The following FARP1 variants were observed in gnomAD, a reference collection of about 807,000 sequenced individuals.
The protein encoded by FARP1 is FERM, ARH/RhoGEF and pleckstrin domain protein 1, also known as FERM, ARHGEF and pleckstrin domain-containing protein 1.
A neutral mutation model predicts 128.8 loss-of-function variants in FARP1; 52 were observed. That is an observed-to-expected ratio of 0.40 (90% CI 0.32 to 0.51). The LOEUF is 0.51. FARP1 is among the 20% of genes least tolerant of loss of function. The pLI, the probability that FARP1 is intolerant of heterozygous loss-of-function variation, is 0.45. For missense variants in FARP1, 1,333 were observed against 1,367.9 expected, an observed-to-expected ratio of 0.97 and a Z score of 0.40; for synonymous variants, 580 against 551.8, an observed-to-expected ratio of 1.05 and a Z score of -0.72.
chr13:98,286,488 G>A (rs1011265416), intron 2 of FARP1, among the ~76,000 whole-genome samples: 5 of 152,118 alleles, frequency 3.3e-5, no homozygotes, highest in Non-Finnish European at 7.4e-5. Context: ...ACGTTCTGAT[G>A]GTTTTATAAG....
chr13:98,389,889 T>G, intron 9 of FARP1, 68 bp from the exon 10 acceptor site: 1 of 1,479,790 alleles, frequency 6.8e-7, no homozygotes, highest in South Asian at 1.2e-5. Context: ...CTTCTGCCCC[T>G]TTTCTCCTAT....
At chr13:98,385,408 C>CA (rs1166262854) in intron 7 of FARP1, among the ~76,000 whole-genome samples, 69 of 138,260 alleles carry the variant, frequency 5.0e-4, no homozygotes, top group South Asian at 7.1e-4. Context: ...TTTGAGATTC[C>CA]AAAAAAAACA....
chr13:98,394,376 G>GC (rs1337521062), intron 12 of FARP1, among the ~76,000 whole-genome samples: 2 of 152,224 alleles, frequency 1.3e-5, no homozygotes, highest in African/African-American at 4.8e-5. Flanking sequence ...AGAAGTATAA[G>GC]CAAACATGTC....
chr13:98,145,017 C>G (rs1436186336), intron 1 of FARP1, among the ~76,000 whole-genome samples: 1 of 152,172 alleles, frequency 6.6e-6, no homozygotes, highest in Non-Finnish European at 1.5e-5. Context: ...GGAGTTACTC[C>G]AAGCACAACG....
chr13:98,368,581 A>G (rs1171033057), intron 5 of FARP1, among the ~76,000 whole-genome samples: 5 of 152,224 alleles, frequency 3.3e-5, no homozygotes, highest in African/African-American at 9.6e-5. Context: ...CTGGAGGTCA[A>G]TTCTTTTCAA....
intron 11 of FARP1, 28 bp from the exon 12 acceptor site, chr13:98,393,614 CT>C: frequency 1.9e-6 from 3 of 1,588,568 alleles, no homozygotes; most frequent in Non-Finnish European, 2.6e-6. Context: ...CCTCACCTAA[CT>C]TTAATGATCT....
At chr13:98,187,263 C>T (rs1878940027) in intron 1 of FARP1, among the ~76,000 whole-genome samples, 1 of 152,144 alleles carries the variant, frequency 6.6e-6, no homozygotes, top group Non-Finnish European at 1.5e-5. Flanking sequence ...CTGTGAGCCT[C>T]CTCTTTGGTG....
intron 13 of FARP1, chr13:98,395,706 C>G (rs1386071476): frequency 2.1e-6 from 1 of 479,172 alleles, no homozygotes; most frequent in Non-Finnish European, 3.6e-6. Flanking sequence ...CTTCCCCGCA[C>G]TCTGCGAAGT....
At chr13:98,439,053 G>A (rs1251373528) in intron 20 of FARP1, 54 bp from the exon 21 acceptor site, 1 of 1,486,880 alleles carries the variant, frequency 6.7e-7, no homozygotes, top group African/African-American at 1.4e-5. Context: ...AATGCTGGAG[G>A]GAAGCCTGCT....
intron 12 of FARP1, among the ~76,000 whole-genome samples, chr13:98,394,742 C>G (rs1890448346): frequency 6.6e-6 from 1 of 152,188 alleles, no homozygotes; most frequent in African/African-American, 2.4e-5. Context: ...CAAGCGCAGC[C>G]TGGACAACAC....
rs1555329634 is a variant in FARP1 at position 98,232,144 on chromosome 13, G to GTTTTTTTTT, written c.171+18731_171+18732insTTTTTTTTT. 2.1e-3 allele frequency among the ~76,000 whole-genome samples: 239 copies of GTTTTTTTTT among 111,634 alleles called. 27 individuals carry two copies. Among genetic ancestry groups the GTTTTTTTTT allele is most frequent in the African/African-American group, 5.5e-3 (131 of 23,604 alleles). The allele number at this position is 111,634 out of a possible 152,430, so 73.2% of individuals were successfully genotyped here. ...CGTGCCCGGCTTTTTTTGTTTGGTT[G>GTTTTTTTTT]GTTTTTTTTTTTTTTTTTTTTTGCT... is the stretch of plus-strand genomic sequence containing the variant. On this transcript the variant is annotated intron_variant, in intron 2 of 26. Transcript: ENST00000319562.
chr13:98,415,044 T>G (rs1240082252), intron 16 of FARP1, among the ~76,000 whole-genome samples: 1 of 152,150 alleles, frequency 6.6e-6, no homozygotes, highest in Non-Finnish European at 1.5e-5. Context: ...AGTGAGAGTC[T>G]GCCTTGTGAG....
At chr13:98,305,106 A>G (rs985806566) in intron 2 of FARP1, among the ~76,000 whole-genome samples, 7 of 33,764 alleles carry the variant, frequency 2.1e-4, no homozygotes, top group Non-Finnish European at 3.7e-4. Flanking sequence ...TTAAATGTGT[A>G]TATATATATA....
intron 2 of FARP1, among the ~76,000 whole-genome samples, chr13:98,245,485 C>CA (rs149561932): frequency 0.011 from 1,718 of 152,258 alleles, 34 homozygotes; most frequent in African/African-American, 0.04. Flanking sequence ...ATTAGAGTGA[C>CA]ACAGGAGGCA....
At chr13:98,158,491 A>G (rs1448831716) in intron 1 of FARP1, among the ~76,000 whole-genome samples, 1 of 152,176 alleles carries the variant, frequency 6.6e-6, no homozygotes, top group Admixed American at 6.6e-5. Context: ...GGTTATTCCA[A>G]GGAGTTTATT....
chr13:98,446,466 T>C, intron 25 of FARP1, 200 bp from the exon 26 acceptor site: 1 of 619,026 alleles, frequency 1.6e-6, no homozygotes, highest in South Asian at 2.0e-5. Flanking sequence ...GTTGGCTTTA[T>C]CTACAGCTCA....
intron 16 of FARP1, among the ~76,000 whole-genome samples, chr13:98,419,874 G>A (rs7998175): frequency 0.038 from 5,723 of 152,192 alleles, 394 homozygotes; most frequent in African/African-American, 0.13. Context: ...GGCTCTTCAT[G>A]TTGTGGCAAG....
At chr13:98,226,524 A>G (rs1350727668) in intron 2 of FARP1, among the ~76,000 whole-genome samples, 1 of 149,864 alleles carries the variant, frequency 6.7e-6, no homozygotes, top group African/African-American at 2.5e-5. Flanking sequence ...ACACAACTGT[A>G]TAACAACTCC....
chr13:98,312,585 T>TA (rs943596522), intron 2 of FARP1, among the ~76,000 whole-genome samples: 8 of 151,344 alleles, frequency 5.3e-5, no homozygotes, highest in Admixed American at 2.0e-4. Context: ...TCATAATGCT[T>TA]CCCCCCCCAC....
Sources: gnomAD v4.1 joint callset for allele counts (sites outside exome capture counted in the v4.1 genomes callset) on GRCh38, gnomAD v4.1.1 for gene constraint, MANE v1.5 for transcripts, NCBI Gene and HGNC (gene_info 2026-07-23, HGNC 2026-07-21) for gene names.